FSHR: variants seen among roughly 807,000 people sequenced by gnomAD.
FSHR encodes follicle stimulating hormone receptor, also known as follicle-stimulating hormone receptor.
FSHR carries 46 observed loss-of-function variants against 52.1 expected under a neutral mutation model. The ratio of observed to expected loss-of-function variants is 0.88; its 90% CI spans 0.70 to 1.13. FSHR has a LOEUF of 1.13. Among genes scored for constraint, FSHR ranks in the 50% most tolerant of loss-of-function variants. FSHR has a pLI of 0.00. For synonymous variants in FSHR, 399 were observed against 309.6 expected, an observed-to-expected ratio of 1.29 and a Z score of -3.03; for missense variants, 964 against 834.6, an observed-to-expected ratio of 1.16 and a Z score of -1.91.
At chr2:49,064,350 G>GA (rs1236650070) in intron 2 of FSHR, among the ~76,000 whole-genome samples, 2 of 138 alleles carry the variant, frequency 0.014, no homozygotes, top group Non-Finnish European at 0.032. Flanking sequence ...CACACCACAA[G>GA]GGCCCATCCC....
At chr2:49,013,526 A>ATAAATATATATATAAATAAATATATAT (rs1558389588) in intron 4 of FSHR, among the ~76,000 whole-genome samples, 2 of 143,952 alleles carry the variant, frequency 1.4e-5, no homozygotes, top group African/African-American at 5.1e-5. Flanking sequence ...AAATATATAT[A>ATAAATATATATATAAATAAATATATAT]AAAATATATA....
chr2:49,127,865 C>T (rs1558456911), intron 1 of FSHR, among the ~76,000 whole-genome samples: 28 of 36,812 alleles, frequency 7.6e-4, no homozygotes, highest in African/African-American at 5.7e-3. Flanking sequence ...TCTTCTTCTT[C>T]TTCTTCTTCT....
chr2:49,148,130 A>C (rs1008624770), intron 1 of FSHR, among the ~76,000 whole-genome samples: 1 of 152,062 alleles, frequency 6.6e-6, no homozygotes, highest in Admixed American at 6.6e-5. Context: ...GGGCAAAATC[A>C]CTTTCCTCTT....
At chr2:49,021,886 T>TATATATATATATAGAGAGAGAGAG (rs1273265515) in intron 2 of FSHR, among the ~76,000 whole-genome samples, 1 of 25,124 alleles carries the variant, frequency 4.0e-5, no homozygotes, top group African/African-American at 1.5e-4. Context: ...TATATATATA[T>TATATATATATATAGAGAGAGAGAG]AGAGAGAGAG....
intron 8 of FSHR, among the ~76,000 whole-genome samples, chr2:48,978,819 T>C (rs373987968): frequency 3.9e-5 from 6 of 152,220 alleles, no homozygotes; most frequent in Non-Finnish European, 8.8e-5. Context: ...CACCCTCAGG[T>C]GTTCAGAGGC....
chr2:48,981,211 C>G (rs1675232225), intron 8 of FSHR, among the ~76,000 whole-genome samples: 1 of 152,158 alleles, frequency 6.6e-6, no homozygotes, highest in Non-Finnish European at 1.5e-5. Context: ...CTTCCTTGTA[C>G]TTCATAGATA....
At chr2:49,031,249 G>T (rs1668091310) in intron 2 of FSHR, among the ~76,000 whole-genome samples, 2 of 152,118 alleles carry the variant, frequency 1.3e-5, no homozygotes, top group African/African-American at 2.4e-5. Context: ...CTTCTGAAGG[G>T]GTCCTCTGTA....
chr2:49,127,921 C>G (rs151285664), intron 1 of FSHR, among the ~76,000 whole-genome samples: 1 of 121,268 alleles, frequency 8.2e-6, no homozygotes, highest in Non-Finnish European at 1.7e-5. Flanking sequence ...GAGACGGAGT[C>G]TTACTCTGTT....
chr2:49,092,864 C>T (rs1216533453), intron 1 of FSHR, among the ~76,000 whole-genome samples: 1 of 152,072 alleles, frequency 6.6e-6, no homozygotes, highest in Non-Finnish European at 1.5e-5. Context: ...TGGGGTTTCA[C>T]CATGTTGGGC....
intron 2 of FSHR, among the ~76,000 whole-genome samples, chr2:49,034,794 A>G (rs1282394165): frequency 6.6e-6 from 1 of 152,126 alleles, no homozygotes; most frequent in Non-Finnish European, 1.5e-5. Flanking sequence ...GATGAAACTC[A>G]TAATCGACTT....
At chr2:49,062,419 T>G (rs1019892454) in intron 2 of FSHR, among the ~76,000 whole-genome samples, 1 of 152,072 alleles carries the variant, frequency 6.6e-6, no homozygotes, top group Non-Finnish European at 1.5e-5. Context: ...CAACTCAAAA[T>G]GGATTAAAGA....
chr2:49,083,172 G>C (rs1228255315), intron 1 of FSHR, among the ~76,000 whole-genome samples: 1 of 151,866 alleles, frequency 6.6e-6, no homozygotes, highest in African/African-American at 2.4e-5. Flanking sequence ...CAAGCCAGAA[G>C]AGAGTGGGGG....
At chr2:48,968,642 TG>T in intron 9 of FSHR, 55 bp downstream of exon 9, 1 of 1,575,434 alleles carries the variant, frequency 6.3e-7, no homozygotes, top group Non-Finnish European at 8.7e-7. Context: ...GTAGAAATTG[TG>T]GACAAAGTTC....
chr2:49,139,918 A>G (rs930908518), intron 1 of FSHR, among the ~76,000 whole-genome samples: 6 of 152,142 alleles, frequency 3.9e-5, no homozygotes, highest in Non-Finnish European at 5.9e-5. Context: ...TTATGTTTCA[A>G]ATGCAGAGTA....
rs533540659 is a variant in FSHR at position 48,981,000 on chromosome 2, T to C, written c.668+1912A>G. Reference sequence around the variant, plus strand: ...ATGCCTTCTTAGGAACATTCAAAACTTTCAGGGCTTTTTGCTAAGTGAAAC... The same window carrying C: ...ATGCCTTCTTAGGAACATTCAAAACCTTCAGGGCTTTTTGCTAAGTGAAAC... On this transcript the variant is annotated intron_variant, in intron 8 of 9. Coordinates refer to ENST00000406846, the MANE Select transcript of FSHR (RefSeq NM_000145.4). Among the ~76,000 whole-genome samples, 7 of 152,218 alleles carry C rather than the reference T, an allele frequency of 4.6e-5. No homozygotes were observed. In the South Asian group the frequency reaches 1.4e-3, roughly 32 times the overall value.
Position 48,985,696 on chromosome 2 carries a change from GGT to G in FSHR, c.525-2532_525-2531del. Reference sequence around the variant, plus strand: ...TTTCAGTTTCAGGGGAGCAAGTACAGGTTTTTTTTTTTTTTTTTTTTTTTTTT... The same window carrying G: ...TTTCAGTTTCAGGGGAGCAAGTACAGTTTTTTTTTTTTTTTTTTTTTTTTT... On this transcript the variant is annotated intron_variant, in intron 6 of 9. Coordinates refer to ENST00000406846, the MANE Select transcript of FSHR (RefSeq NM_000145.4). Among the ~76,000 whole-genome samples the G allele has an allele frequency of 3.1e-5, 4 of 129,266 alleles. 1 individual carries two copies. The highest frequency in any genetic ancestry group is 4.8e-5 in the Non-Finnish European group (3 of 62,302). 84.8% of individuals were successfully genotyped at this position (129,266 alleles called of 152,430 possible).
chr2:49,033,393 G>C (rs1279734242), intron 2 of FSHR, among the ~76,000 whole-genome samples: 3 of 152,204 alleles, frequency 2.0e-5, no homozygotes, highest in African/African-American at 7.2e-5. Context: ...AGGATGTTCA[G>C]TTATGGTTGG....
intron 9 of FSHR, 151 bp from the exon 10 acceptor site, chr2:48,964,117 AG>A: frequency 2.9e-6 from 2 of 679,170 alleles, no homozygotes; most frequent in Non-Finnish European, 5.0e-6. Context: ...GCTAACCTCA[AG>A]GGTTAATGCT....
chr2:49,028,964 A>G (rs1668005853), intron 2 of FSHR, among the ~76,000 whole-genome samples: 1 of 152,178 alleles, frequency 6.6e-6, no homozygotes, highest in South Asian at 2.1e-4. Context: ...AGAGTCTAGT[A>G]CCCTGGGTGG....
Sources: gnomAD v4.1 joint callset for allele counts (sites outside exome capture counted in the v4.1 genomes callset) on GRCh38, gnomAD v4.1.1 for gene constraint, MANE v1.5 for transcripts, NCBI Gene and HGNC (gene_info 2026-07-23, HGNC 2026-07-21) for gene names.